The following PAQR5 variants were observed in gnomAD, a reference collection of about 807,000 sequenced individuals.
The protein encoded by PAQR5 is progestin and adipoQ receptor family member 5, also known as membrane progestin receptor gamma.
In PAQR5, 20 loss-of-function variants were observed where a neutral mutation model predicts 34.5. The ratio of observed to expected loss-of-function variants is 0.58; its 90% CI spans 0.41 to 0.84. The LOEUF (loss-of-function observed/expected upper bound fraction) is 0.84. Ranked by LOEUF, PAQR5 falls within the 40% of genes least tolerant of loss-of-function variation. PAQR5 has a pLI of 0.00. For missense variants in PAQR5, 378 were observed against 412.7 expected, an observed-to-expected ratio of 0.92 and a Z score of 0.73; for synonymous variants, 131 against 155.6, an observed-to-expected ratio of 0.84 and a Z score of 1.18.
At chr15:69,307,058 T>C (rs1022757632) in intron 1 of PAQR5, among the ~76,000 whole-genome samples, 7 of 151,884 alleles carry the variant, frequency 4.6e-5, no homozygotes, top group Non-Finnish European at 1.0e-4. Context: ...AATTTCCTTC[T>C]TTTTTAAGGC....
At chr15:69,373,255 C>T (rs957291474) in intron 3 of PAQR5, among the ~76,000 whole-genome samples, 1 of 129,198 alleles carries the variant, frequency 7.7e-6, no homozygotes, top group Non-Finnish European at 1.6e-5. Context: ...TCACCTGGGA[C>T]GTTGCTGCCC....
chr15:69,337,868 A>G (rs2054546654), intron 2 of PAQR5, among the ~76,000 whole-genome samples: 1 of 152,128 alleles, frequency 6.6e-6, no homozygotes, highest in Admixed American at 6.6e-5. Context: ...TGAGGTTGGG[A>G]GTTCAAGACC....
In PAQR5 at chr15:69,363,536, G is replaced by GTTTTTTTTTTT. The variant is rs1226447954; in HGVS notation, c.51+3411_51+3412insTTTTTTTTTTT. ...ACATCGAGTGTCAAATTGCTAATCTGTTTTTTGTTTTTGTTTTTTTTTTTT... is the reference window on the plus strand; with the variant it reads ...ACATCGAGTGTCAAATTGCTAATCTGTTTTTTTTTTTTTTTTTGTTTTTGTTTTTTTTTTTT... On this transcript the variant is annotated intron_variant, in intron 3 of 8. Coordinates refer to ENST00000395407, the MANE Select transcript of PAQR5 (RefSeq NM_017705.4). Among the ~76,000 whole-genome samples, 7 of 82,002 alleles carry GTTTTTTTTTTT rather than the reference G, an allele frequency of 8.5e-5. 3 individuals carry two copies. Among genetic ancestry groups the GTTTTTTTTTTT allele is most frequent in the Non-Finnish European group, 6.9e-5 (3 of 43,296 alleles). 53.8% of individuals were successfully genotyped at this position (82,002 alleles called of 152,430 possible). A position where few individuals can be genotyped will look rare whatever the true frequency, so the allele number is the denominator to read the frequency against.
intron 1 of PAQR5, among the ~76,000 whole-genome samples, chr15:69,334,393 G>A (rs571187292): frequency 6.6e-6 from 1 of 152,322 alleles, no homozygotes; most frequent in African/African-American, 2.4e-5. Flanking sequence ...TAGACATTTG[G>A]TCTAAAATAA....
In PAQR5 at chr15:69,381,646, C is replaced by G. The variant is rs566801631; in HGVS notation, c.179+1636C>G. On this transcript the variant is annotated intron_variant, in intron 4 of 8. Transcript: ENST00000395407. The stretch of plus-strand genomic sequence containing the variant: ...CTATGCACTTCTACACGGTGCCAGG[C>G]TCTCAGAGATGATCCTGACTGAGCA... Among the ~76,000 whole-genome samples the G allele has an allele frequency of 1.4e-4, 21 of 152,270 alleles. 1 individual carries two copies. In the South Asian group the frequency reaches 4.3e-3, roughly 32 times the overall value.
chr15:69,345,052 C>G (rs183891240), intron 2 of PAQR5, among the ~76,000 whole-genome samples: 1 of 151,296 alleles, frequency 6.6e-6, no homozygotes, highest in African/African-American at 2.4e-5. Context: ...TGAGATCACA[C>G]CACTGTACTC....
At chr15:69,306,693 G>A (rs961802195) in intron 1 of PAQR5, among the ~76,000 whole-genome samples, 3 of 151,866 alleles carry the variant, frequency 2.0e-5, no homozygotes, top group African/African-American at 4.8e-5. Context: ...GTGAGCCACC[G>A]CCCCCCGCCC....
intron 5 of PAQR5, among the ~76,000 whole-genome samples, chr15:69,388,150 G>A (rs779764718): frequency 2.6e-5 from 4 of 152,034 alleles, no homozygotes; most frequent in Non-Finnish European, 5.9e-5. Flanking sequence ...CTCCCTCCCT[G>A]TCAAAGCCCT....
chr15:69,309,029 T>C (rs1416960766), intron 1 of PAQR5, among the ~76,000 whole-genome samples: 5 of 152,274 alleles, frequency 3.3e-5, no homozygotes, highest in Non-Finnish European at 5.9e-5. Context: ...ATTTGGAGCA[T>C]GCTGGGTTGG....
intron 6 of PAQR5, 30 bp downstream of exon 6, chr15:69,389,810 G>T: frequency 6.2e-7 from 1 of 1,612,284 alleles, no homozygotes. Flanking sequence ...CAGATGGGAG[G>T]GGAGGGAGGG....
Position 69,385,635 on chromosome 15 carries a change from C to T in PAQR5, c.385+753C>T, listed in dbSNP as rs1047997683. On this transcript the variant is annotated intron_variant, in intron 5 of 8. Coordinates refer to ENST00000395407, the MANE Select transcript of PAQR5 (RefSeq NM_017705.4). The surrounding 1 kb of genome is among the most constrained non-coding windows in gnomAD (Gnocchi z 4.7). Reference sequence around the variant, plus strand: ...TCCCTAAGGATATGAGTTCTAGATTCTTCCTCCAGGTCCCATTCTAGGTGA... The same window carrying T: ...TCCCTAAGGATATGAGTTCTAGATTTTTCCTCCAGGTCCCATTCTAGGTGA... Among the ~76,000 whole-genome samples, 3 of 152,148 alleles carry T rather than the reference C, an allele frequency of 2.0e-5. No individual in the cohort carries two copies. The highest frequency in any genetic ancestry group is 6.5e-5 in the Admixed American group (1 of 15,274).
intron 6 of PAQR5, 127 bp from the exon 7 acceptor site, chr15:69,397,341 C>T (rs2056471878): frequency 2.7e-6 from 2 of 748,664 alleles, no homozygotes; most frequent in Non-Finnish European, 4.9e-6. Context: ...CTGCTGGCCA[C>T]AGGAGCTTGT....
At chr15:69,301,309 G>A (rs2053600843) in intron 1 of PAQR5, among the ~76,000 whole-genome samples, 1 of 152,064 alleles carries the variant, frequency 6.6e-6, no homozygotes, top group African/African-American at 2.4e-5. Flanking sequence ...CAGCCCCCAT[G>A]TGCTTTTCCA....
chr15:69,303,147 T>C (rs757981322), intron 1 of PAQR5, among the ~76,000 whole-genome samples: 25 of 152,270 alleles, frequency 1.6e-4, no homozygotes, highest in Non-Finnish European at 3.5e-4. Context: ...ACACATCCAA[T>C]GCACCATTTC....
At chr15:69,358,019 C>G (rs1009936483) in intron 2 of PAQR5, among the ~76,000 whole-genome samples, 3 of 152,120 alleles carry the variant, frequency 2.0e-5, no homozygotes, top group African/African-American at 7.2e-5. Context: ...AGCAAGGTCT[C>G]TGGGTCTTCA....
intron 2 of PAQR5, among the ~76,000 whole-genome samples, chr15:69,351,781 G>T (rs1037129260): frequency 1.3e-5 from 2 of 152,128 alleles, no homozygotes; most frequent in African/African-American, 2.4e-5. Flanking sequence ...CTTCTACCTC[G>T]GTGTAATTTC....
At chr15:69,304,400 C>T (rs1395181380) in intron 1 of PAQR5, among the ~76,000 whole-genome samples, 2 of 152,126 alleles carry the variant, frequency 1.3e-5, no homozygotes, top group Non-Finnish European at 2.9e-5. Flanking sequence ...GGTGTCTGGC[C>T]CACAGTTGGA....
At chr15:69,354,761 G>A (rs1196081236) in intron 2 of PAQR5, among the ~76,000 whole-genome samples, 2 of 152,102 alleles carry the variant, frequency 1.3e-5, no homozygotes, top group Non-Finnish European at 2.9e-5. Flanking sequence ...AGAGGAGATC[G>A]GGTTGTAAGT....
chr15:69,310,139 A>G lies in PAQR5; in HGVS notation c.-277+11083A>G, dbSNP rs562078092. On this transcript the variant is annotated intron_variant, in intron 1 of 8. Coordinates refer to ENST00000395407, the MANE Select transcript of PAQR5 (RefSeq NM_017705.4). ...TTATGGATGTCACATAACTTATTTA[A>G]CTAATCTGTTTTTTGGACATGGAGG... Among the ~76,000 whole-genome samples the G allele has an allele frequency of 2.6e-5, 4 of 152,338 alleles. No homozygotes were observed. In the East Asian group the frequency reaches 7.7e-4, roughly 29 times the overall value.
Sources: allele counts gnomAD v4.1 joint callset (sites outside exome capture counted in the v4.1 genomes callset), GRCh38; gene constraint gnomAD v4.1.1; non-coding constraint Gnocchi (gnomAD v3.1); transcripts MANE v1.5; gene names NCBI Gene and HGNC (gene_info 2026-07-23, HGNC 2026-07-21).